Variants in KIAA1549 observed in about 807,000 individuals in gnomAD.
KIAA1549 encodes UPF0606 protein KIAA1549.
KIAA1549 carries 70 observed loss-of-function variants against 156.4 expected under a neutral mutation model. The ratio of observed to expected loss-of-function variants is 0.45; its 90% CI spans 0.37 to 0.55. KIAA1549 has a LOEUF of 0.55. Among genes scored for constraint, KIAA1549 ranks in the 20% least tolerant of loss-of-function variants. The pLI is 0.00. For synonymous variants in KIAA1549, 1,103 were observed against 1,066.4 expected (o/e 1.03, Z -0.67); for missense variants, 2,428 against 2,540.9 (o/e 0.96, Z 0.96).
chr7:138,936,300 C>A (rs1205537459), intron 1 of KIAA1549, among the ~76,000 whole-genome samples: 1 of 152,186 alleles, frequency 6.6e-6, no homozygotes, highest in Non-Finnish European at 1.5e-5. Flanking sequence ...GAGTATCCAA[C>A]AGGCTCCTAA....
chr7:138,924,195 C>CT (rs747004102), intron 1 of KIAA1549, among the ~76,000 whole-genome samples: 2,784 of 132,720 alleles, frequency 0.021, 56 homozygotes, highest in African/African-American at 0.054. Context: ...TTTTTTTTTT[C>CT]TTTTTTTTTT....
intron 2 of KIAA1549, among the ~76,000 whole-genome samples, chr7:138,913,973 AAAG>A (rs1191479649): frequency 6.7e-6 from 1 of 150,220 alleles, no homozygotes; most frequent in African/African-American, 2.4e-5. Context: ...AGGGGACAGA[AAAG>A]GAGGAGGGAG....
rs78514694 is a variant in KIAA1549, at chr7:138,838,741, G to A, written c.5599-581C>T. ...TATATGTAAGAGTACTTAAATCTGC[G>A]TACTAAAAACCATGTTAGGGCTAAG... On this transcript the variant is annotated intron_variant, in intron 19 of 19. Coordinates refer to ENST00000422774, the MANE Select transcript of KIAA1549 (RefSeq NM_001164665.2). Among the ~76,000 whole-genome samples, 1,489 of 152,078 alleles carry A rather than the reference G, an allele frequency of 9.8e-3. 33 individuals are homozygous for A. The highest frequency in any genetic ancestry group is 0.034 in the African/African-American group (1,415 of 41,448).
chr7:138,872,245 C>T (rs1272472360), intron 12 of KIAA1549, among the ~76,000 whole-genome samples: 2 of 152,004 alleles, frequency 1.3e-5, no homozygotes, highest in Non-Finnish European at 2.9e-5. Flanking sequence ...CCGGGCCCGG[C>T]GCTAGTTCCT....
rs1809543456 is a variant in KIAA1549 at position 138,831,899 on chromosome 7, C to A, written c.*6007G>T. On this transcript the variant is annotated 3_prime_UTR_variant, in exon 20 of 20. Transcript: ENST00000422774. ...CCACTCCCCTTTTCTGAAACAAGTCCTCTGGTGCTTAGAGCAACTGAATGA... is the reference window on the plus strand; with the variant it reads ...CCACTCCCCTTTTCTGAAACAAGTCATCTGGTGCTTAGAGCAACTGAATGA... The A allele has an allele frequency of 8.6e-6, 2 of 232,882 alleles. No homozygotes were observed. The allele number at this position is 232,882 out of a possible 1,614,324, so 14.4% of individuals were successfully genotyped here.
intron 18 of KIAA1549, among the ~76,000 whole-genome samples, chr7:138,840,679 C>T (rs1026604556): frequency 6.6e-6 from 1 of 152,174 alleles, no homozygotes; most frequent in Admixed American, 6.5e-5. Context: ...TGCAGCCCTA[C>T]TTGCTCAGAT....
At chr7:138,949,763 A>G (rs17680252) in intron 1 of KIAA1549, among the ~76,000 whole-genome samples, 6,119 of 152,350 alleles carry the variant, frequency 0.04, 188 homozygotes, top group Non-Finnish European at 0.064. Context: ...CTGAGGACCT[A>G]TGACAGAACC....
chr7:138,886,806 T>C (rs989414588), intron 10 of KIAA1549, among the ~76,000 whole-genome samples: 5 of 152,212 alleles, frequency 3.3e-5, no homozygotes, highest in African/African-American at 1.2e-4. Flanking sequence ...CCTCAGCCTT[T>C]TGCAAATGAC....
chr7:138,918,426 G>A lies in KIAA1549; in HGVS notation c.1200C>T (p.Pro400=), dbSNP rs372716380. Reference sequence around the variant, plus strand: ...GGATATGAGTGTTGTCCACAGGACCGGGGAGGGCTGAATTGCTATGCAATT... The same window carrying A: ...GGATATGAGTGTTGTCCACAGGACCAGGGAGGGCTGAATTGCTATGCAATT... ...TSELHSNSAL[P]GPVDNTHILS... The change falls in exon 2 of 20, where the codon CCC becomes CCT. Residue 400 remains proline (P), a synonymous_variant. Coordinates refer to ENST00000422774, the MANE Select transcript of KIAA1549 (RefSeq NM_001164665.2). The surrounding 1 kb of genome is among the most constrained non-coding windows in gnomAD (Gnocchi z 4.2). The A allele has an allele frequency of 3.8e-5, 61 of 1,613,976 alleles. 1 individual carries two copies. The highest frequency in any genetic ancestry group is 1.3e-4 in the South Asian group (12 of 91,084).
In KIAA1549 at chr7:138,912,364, G is replaced by A. The variant is rs1180483117; in HGVS notation, c.2967+8C>T. 4 of 1,609,522 alleles carry A rather than the reference G, an allele frequency of 2.5e-6. No individual in the cohort carries two copies. The African/African-American group carries it at 5.3e-5, about 22-fold the overall frequency. On this transcript the variant is annotated splice_region_variant and intron_variant, in intron 3 of 19. Coordinates refer to ENST00000422774, the MANE Select transcript of KIAA1549 (RefSeq NM_001164665.2). ...CAGACATCACACTCCTGAGCCACCAGGACTCACCTTCAGTTCCACTGCACG... is the reference window on the plus strand; with the variant it reads ...CAGACATCACACTCCTGAGCCACCAAGACTCACCTTCAGTTCCACTGCACG...
rs894348093 is a variant in KIAA1549 at position 138,837,521 on chromosome 7, G to A, written c.*385C>T. The A allele has an allele frequency of 4.2e-5, 14 of 333,282 alleles. No homozygotes were observed. Among genetic ancestry groups the A allele is most frequent in the African/African-American group, 6.2e-5 (3 of 48,044 alleles). The allele number at this position is 333,282 out of a possible 1,614,324, so 20.6% of individuals were successfully genotyped here. ...ACAAAGCAGCAGGTTCATCGTACAC[G>A]TACCAGTCTCAATCCCACAGAAACG... On this transcript the variant is annotated 3_prime_UTR_variant, in exon 20 of 20. Transcript: ENST00000422774.
At position 138,837,305 on chromosome 7, in the gene KIAA1549, T is replaced by A; in HGVS notation, c.*601A>T. On this transcript the variant is annotated 3_prime_UTR_variant, in exon 20 of 20. Coordinates refer to ENST00000422774, the MANE Select transcript of KIAA1549 (RefSeq NM_001164665.2). ...GTAGCACCAGAAGAAGGAGGAAGAA[T>A]GCGGGTGATGGCTTTGTTTGGAGTC... The A allele has an allele frequency of 4.4e-6, 1 of 228,492 alleles. No individual in the cohort carries two copies. Among genetic ancestry groups the A allele is most frequent in the Non-Finnish European group, 8.7e-6 (1 of 115,142 alleles). 14.2% of individuals were successfully genotyped at this position (228,492 alleles called of 1,614,324 possible). A position where few individuals can be genotyped will look rare whatever the true frequency, so the allele number is the denominator to read the frequency against.
At chr7:138,924,443 T>C (rs949769146) in intron 1 of KIAA1549, among the ~76,000 whole-genome samples, 1 of 152,188 alleles carries the variant, frequency 6.6e-6, no homozygotes, top group Admixed American at 6.5e-5. Context: ...ACCGGAAGAC[T>C]GCAAGAGATA....
In KIAA1549 at chr7:138,836,655, A is replaced by G. The variant is rs183869959; in HGVS notation, c.*1251T>C. The G allele has an allele frequency of 4.6e-6, 1 of 218,972 alleles. No individual in the cohort carries two copies. The highest frequency in any genetic ancestry group is 9.2e-6 in the Non-Finnish European group (1 of 109,054). 13.6% of individuals were successfully genotyped at this position (218,972 alleles called of 1,614,324 possible). ...GGGGAAATGTTTACATCAGGAGTAC[A>G]TCTTAAGCGAGATGATCCCCTCTTA... On this transcript the variant is annotated 3_prime_UTR_variant, in exon 20 of 20. Coordinates refer to ENST00000422774, the MANE Select transcript of KIAA1549 (RefSeq NM_001164665.2).
chr7:138,840,931 G>A, intron 18 of KIAA1549, among the ~76,000 whole-genome samples: 1 of 152,156 alleles, frequency 6.6e-6, no homozygotes, highest in South Asian at 2.1e-4. Context: ...ATCATGACTT[G>A]GTACCAGTTC....
At chr7:138,908,914 G>T in intron 5 of KIAA1549, 77 bp downstream of exon 5, 1 of 1,544,122 alleles carries the variant, frequency 6.5e-7, no homozygotes, top group Non-Finnish European at 8.9e-7. Context: ...TAAGAGTTAA[G>T]CACATCTTAA....
At position 138,894,653 on chromosome 7, in the gene KIAA1549, A is replaced by C. The variant is rs1811635571; in HGVS notation, c.3848-127T>G. Reference sequence around the variant, plus strand: ...CTCAAGATAGCTGGTTCCAGGTTCTAATCTCCTGATGACAGGAAATGTGAC... The same window carrying C: ...CTCAAGATAGCTGGTTCCAGGTTCTCATCTCCTGATGACAGGAAATGTGAC... On this transcript the variant is annotated intron_variant, in intron 9 of 19. Coordinates refer to ENST00000422774, the MANE Select transcript of KIAA1549 (RefSeq NM_001164665.2). 2.5e-5 allele frequency: 21 copies of C among 824,130 alleles called. No homozygotes were observed. The South Asian group carries it at 2.6e-4, about 10-fold the overall frequency. The allele number at this position is 824,130 out of a possible 1,614,324, so 51.1% of individuals were successfully genotyped here.
At chr7:138,868,170 T>G (rs1383692254) in intron 14 of KIAA1549, 42 bp from the exon 15 acceptor site, 1 of 1,580,272 alleles carries the variant, frequency 6.3e-7, no homozygotes, top group Non-Finnish European at 8.6e-7. Context: ...GAAATCACCC[T>G]TTTTGCCACT....
intron 1 of KIAA1549, among the ~76,000 whole-genome samples, chr7:138,973,572 T>C (rs1415569342): frequency 1.3e-5 from 2 of 152,252 alleles, no homozygotes; most frequent in Admixed American, 6.5e-5. Context: ...CTGCCTTGTC[T>C]ACTAACTCTC....
Sources: allele counts gnomAD v4.1 joint callset (sites outside exome capture counted in the v4.1 genomes callset), GRCh38; gene constraint gnomAD v4.1.1; non-coding constraint Gnocchi (gnomAD v3.1); transcripts MANE v1.5; gene names NCBI Gene and HGNC (gene_info 2026-07-23, HGNC 2026-07-21).